The following RXFP1 variants were observed in gnomAD, a reference collection of about 807,000 sequenced individuals.
RXFP1 encodes the protein relaxin family peptide receptor 1, also known as relaxin receptor 1.
In RXFP1, 73 loss-of-function variants were observed where a neutral mutation model predicts 89.8. The observed-to-expected ratio is 0.81, with a 90% CI of 0.67 to 0.99. The LOEUF (loss-of-function observed/expected upper bound fraction) is 0.99, where lower values mean the gene tolerates loss of function less well. Ranked by LOEUF, RXFP1 falls within the 50% of genes least tolerant of loss-of-function variation. The pLI, the probability that RXFP1 is intolerant of heterozygous loss-of-function variation, is 0.00. For synonymous variants in RXFP1, 277 were observed against 305.5 expected, an observed-to-expected ratio of 0.91 and a Z score of 0.97; for missense variants, 793 against 895.5, an observed-to-expected ratio of 0.89 and a Z score of 1.46.
intron 4 of RXFP1, 59 bp downstream of exon 4, chr4:158,599,490 A>G (rs1051853935): frequency 3.1e-6 from 4 of 1,310,612 alleles, no homozygotes; most frequent in Non-Finnish European, 4.3e-6. Flanking sequence ...AAATTGTATT[A>G]TAATTAAGAC....
intron 5 of RXFP1, among the ~76,000 whole-genome samples, 163 bp from the exon 6 acceptor site, chr4:158,607,809 T>C (rs571976831): frequency 1.3e-5 from 2 of 152,358 alleles, no homozygotes; most frequent in African/African-American, 4.8e-5. Flanking sequence ...ACACATAACA[T>C]AAAATGTGGC....
chr4:158,549,833 G>A (rs946426551), intron 1 of RXFP1, among the ~76,000 whole-genome samples: 2 of 152,166 alleles, frequency 1.3e-5, no homozygotes, highest in East Asian at 1.9e-4. Context: ...AGGAGTACCC[G>A]GCCGTGTGAG....
In RXFP1 at chr4:158,652,558, TCTGA is replaced by T. The variant is rs1202134442; in HGVS notation, c.*507_*510del. The T allele has an allele frequency of 6.6e-6, 1 of 152,286 alleles. No homozygotes were observed. The highest frequency in any genetic ancestry group is 6.5e-5 in the Admixed American group (1 of 15,290). 9.4% of individuals were successfully genotyped at this position (152,286 alleles called of 1,614,324 possible). A position where few individuals can be genotyped will look rare whatever the true frequency, so the allele number is the denominator to read the frequency against. On this transcript the variant is annotated 3_prime_UTR_variant, in exon 18 of 18. Transcript: ENST00000307765. ...CAGTGTATTTGCATCATAGAAAATG[TCTGA>T]CTGTTTGCAAAATAATATTCTGTTT...
intron 1 of RXFP1, among the ~76,000 whole-genome samples, chr4:158,529,240 G>GTTT (rs60839416): frequency 4.8e-4 from 64 of 134,064 alleles, no homozygotes; most frequent in Non-Finnish European, 5.6e-4. Flanking sequence ...TTGCTTGCTT[G>GTTT]TTTTTTGTTG....
intron 2 of RXFP1, among the ~76,000 whole-genome samples, chr4:158,581,158 T>G (rs1240064960): frequency 2.6e-5 from 4 of 152,236 alleles, no homozygotes; most frequent in African/African-American, 9.6e-5. Flanking sequence ...TAATAAGAGT[T>G]GTAATAATAA....
At chr4:158,552,266 G>C (rs144970561) in intron 1 of RXFP1, among the ~76,000 whole-genome samples, 1 of 152,324 alleles carries the variant, frequency 6.6e-6, no homozygotes, top group African/African-American at 2.4e-5. Context: ...AAATGTGATA[G>C]TTGGATAGTC....
chr4:158,597,215 G>A (rs1309541499), intron 3 of RXFP1, among the ~76,000 whole-genome samples: 1 of 152,114 alleles, frequency 6.6e-6, no homozygotes, highest in Non-Finnish European at 1.5e-5. Flanking sequence ...AAATTAAACT[G>A]AGCAAAGCTT....
chr4:158,525,219 C>CGGG (rs61683066), intron 1 of RXFP1, among the ~76,000 whole-genome samples: 28 of 138,130 alleles, frequency 2.0e-4, no homozygotes, highest in East Asian at 8.5e-4. Flanking sequence ...TATACTTTGG[C>CGGG]GGGGGGGGGT....
intron 2 of RXFP1, among the ~76,000 whole-genome samples, chr4:158,585,802 A>C (rs1758198774): frequency 6.6e-6 from 1 of 152,254 alleles, no homozygotes; most frequent in Non-Finnish European, 1.5e-5. Flanking sequence ...AGCATGAAGC[A>C]GATTACAGTA....
At chr4:158,610,586 A>C (rs1405478761) in intron 6 of RXFP1, 2 of 923,812 alleles carry the variant, frequency 2.2e-6, no homozygotes, top group Non-Finnish European at 3.0e-6. Flanking sequence ...TGTGTTGCTG[A>C]AACCAAAATT....
intron 10 of RXFP1, among the ~76,000 whole-genome samples, chr4:158,627,884 CT>C (rs1259063559): frequency 1.3e-5 from 2 of 152,044 alleles, no homozygotes; most frequent in Non-Finnish European, 2.9e-5. Flanking sequence ...TTCTATTGTA[CT>C]TGTATTTATT....
chr4:158,630,146 C>T (rs74403288), intron 11 of RXFP1, among the ~76,000 whole-genome samples: 2 of 152,152 alleles, frequency 1.3e-5, no homozygotes, highest in African/African-American at 2.4e-5. Context: ...GGAGCAGGAA[C>T]GTTTCTCAGG....
intron 2 of RXFP1, among the ~76,000 whole-genome samples, chr4:158,573,853 A>G (rs977610816): frequency 1.3e-5 from 2 of 152,244 alleles, no homozygotes; most frequent in Non-Finnish European, 2.9e-5. Context: ...TTAGAAGAGT[A>G]CTGGACATCT....
chr4:158,585,272 T>G (rs1283283148), intron 2 of RXFP1, among the ~76,000 whole-genome samples: 1 of 152,216 alleles, frequency 6.6e-6, no homozygotes, highest in Non-Finnish European at 1.5e-5. Flanking sequence ...CAAGTGGGGA[T>G]AGAGGATGCA....
chr4:158,615,096 T>G (rs1411126022), intron 8 of RXFP1, among the ~76,000 whole-genome samples: 5 of 152,172 alleles, frequency 3.3e-5, no homozygotes, highest in Non-Finnish European at 5.9e-5. Flanking sequence ...TCCTTTCATT[T>G]GAACACTTAG....
At chr4:158,539,160 C>T (rs1410578545) in intron 1 of RXFP1, among the ~76,000 whole-genome samples, 1 of 152,202 alleles carries the variant, frequency 6.6e-6, no homozygotes, top group Non-Finnish European at 1.5e-5. Context: ...ACAGAAACTA[C>T]TTGCTCTGTT....
At chr4:158,627,411 C>T (rs1767076306) in intron 10 of RXFP1, among the ~76,000 whole-genome samples, 1 of 151,886 alleles carries the variant, frequency 6.6e-6, no homozygotes, top group Non-Finnish European at 1.5e-5. Flanking sequence ...TTATTATACC[C>T]TTGTCAGCAT....
chr4:158,626,861 CTTTTAT>C lies in RXFP1; in HGVS notation c.800_805del (p.Phe267_Ile268del). ...CATATCCATAATTTAAGAAATTTGA[CTTTTAT>C]TTCCTGCAGTAATTTAACTGTTTTG... is the stretch of plus-strand genomic sequence containing the variant. On this transcript the variant is annotated inframe_deletion, in exon 10 of 18. Transcript: ENST00000307765. 1 of 1,552,758 alleles carries C rather than the reference CTTTTAT, an allele frequency of 6.4e-7. No homozygotes were observed. The highest frequency in any genetic ancestry group is 2.4e-5 in the East Asian group (1 of 42,234).
At chr4:158,633,360 A>G (rs745331091) in intron 11 of RXFP1, 45 bp from the exon 12 acceptor site, 35 of 1,236,346 alleles carry the variant, frequency 2.8e-5, no homozygotes, top group Non-Finnish European at 4.0e-5. Flanking sequence ...ACAATGAGTA[A>G]AGTCTTAAGA....
Sources: gnomAD v4.1 joint callset for allele counts (sites outside exome capture counted in the v4.1 genomes callset) on GRCh38, gnomAD v4.1.1 for gene constraint, MANE v1.5 for transcripts, NCBI Gene and HGNC (gene_info 2026-07-23, HGNC 2026-07-21) for gene names.